Variants in CTNNA3 observed in about 807,000 individuals in gnomAD.
The protein encoded by CTNNA3 is catenin alpha 3.
A neutral mutation model predicts 95.7 loss-of-function variants in CTNNA3; 76 were observed. The observed-to-expected ratio is 0.79, with a 90% CI of 0.66 to 0.96. The LOEUF is 0.96. Ranked by LOEUF, CTNNA3 falls within the 40% of genes least tolerant of loss-of-function variation. CTNNA3 has a pLI of 0.00. For synonymous variants in CTNNA3, 431 were observed against 374.4 expected (o/e 1.15, Z -1.74); for missense variants, 1,191 against 1,089.8 (o/e 1.09, Z -1.31).
intron 13 of CTNNA3, among the ~76,000 whole-genome samples, chr10:66,248,257 C>T (rs969372503): frequency 6.7e-6 from 1 of 149,212 alleles, no homozygotes; most frequent in African/African-American, 2.5e-5. Flanking sequence ...ATACACAAAA[C>T]ATAAAAAGCA....
chr10:66,620,244 C>T (rs1225614360), intron 10 of CTNNA3, among the ~76,000 whole-genome samples: 2 of 152,054 alleles, frequency 1.3e-5, no homozygotes, highest in East Asian at 3.9e-4. Context: ...ATATGTTTAC[C>T]TTAAAGTTCT....
chr10:66,412,918 A>C (rs2093118981), intron 11 of CTNNA3, among the ~76,000 whole-genome samples: 1 of 152,214 alleles, frequency 6.6e-6, no homozygotes. Flanking sequence ...GATTTCTTGA[A>C]GTGATTAACA....
Position 66,743,253 on chromosome 10 carries a change from T to C in CTNNA3, c.1281+23011A>G, listed in dbSNP as rs1017992596. On this transcript the variant is annotated intron_variant, in intron 9 of 17. Transcript: ENST00000433211. ...CAGACATCTAAAAGGTGAACAGGCA[T>C]CATTGTATCCATGTAGATACAGAAT... Among the ~76,000 whole-genome samples, 3 of 152,240 alleles carry C rather than the reference T, an allele frequency of 2.0e-5. No homozygotes were observed. In the East Asian group the frequency reaches 5.8e-4, roughly 29 times the overall value.
rs372585983 is a variant in CTNNA3, at chr10:66,116,947, G to A, written c.1885-13698C>T. Among the ~76,000 whole-genome samples, 5 of 152,092 alleles carry A rather than the reference G, an allele frequency of 3.3e-5. No individual in the cohort carries two copies. The East Asian group carries it at 5.8e-4, about 18-fold the overall frequency. ...ACACGATTCAATCACCACCCCCCCA[G>A]GCCCCTCCTCCAACACATGTGGATT... On this transcript the variant is annotated intron_variant, in intron 13 of 17. Coordinates refer to ENST00000433211, the MANE Select transcript of CTNNA3 (RefSeq NM_013266.4).
At chr10:66,169,234 A>T (rs2085294059) in intron 13 of CTNNA3, among the ~76,000 whole-genome samples, 1 of 152,000 alleles carries the variant, frequency 6.6e-6, no homozygotes, top group Non-Finnish European at 1.5e-5. Context: ...ATGCCTTTGC[A>T]TCCTCAGAGC....
chr10:66,229,370 G>T (rs908869876), intron 13 of CTNNA3, among the ~76,000 whole-genome samples: 1 of 152,020 alleles, frequency 6.6e-6, no homozygotes, highest in South Asian at 2.1e-4. Flanking sequence ...TCACATCCAC[G>T]TGTCAGGCTC....
intron 14 of CTNNA3, among the ~76,000 whole-genome samples, chr10:66,089,955 TTTATA>T (rs1377835562): frequency 6.6e-6 from 1 of 151,956 alleles, no homozygotes; most frequent in Non-Finnish European, 1.5e-5. Flanking sequence ...ATAACACCAT[TTTATA>T]TTATTTTAGG....
At chr10:66,190,745 A>T (rs1439630318) in intron 13 of CTNNA3, among the ~76,000 whole-genome samples, 3 of 152,036 alleles carry the variant, frequency 2.0e-5, no homozygotes, top group Non-Finnish European at 4.4e-5. Flanking sequence ...GATTCTGAGC[A>T]GGATAACACA....
intron 7 of CTNNA3, among the ~76,000 whole-genome samples, chr10:66,980,336 G>A (rs139273665): frequency 1.2e-4 from 18 of 152,224 alleles, no homozygotes; most frequent in African/African-American, 3.6e-4. Context: ...ACTAGGGCGA[G>A]GAAATGCTTA....
At chr10:66,537,032 G>A (rs1841683712) in intron 10 of CTNNA3, among the ~76,000 whole-genome samples, 2 of 150,686 alleles carry the variant, frequency 1.3e-5, no homozygotes, top group Admixed American at 6.6e-5. Flanking sequence ...AGCATTTTCT[G>A]TCAAACACAG....
At chr10:66,335,801 T>G in intron 12 of CTNNA3, among the ~76,000 whole-genome samples, 1 of 152,102 alleles carries the variant, frequency 6.6e-6, no homozygotes, top group Non-Finnish European at 1.5e-5. Flanking sequence ...CTGCTGCCTT[T>G]TGTTTGGCTA....
chr10:66,543,905 GTGTGTGTATATATA>G (rs1367573453), intron 10 of CTNNA3, among the ~76,000 whole-genome samples: 9,861 of 102,002 alleles, frequency 0.097, 611 homozygotes, highest in African/African-American at 0.12. Flanking sequence ...TGAGATGTGT[GTGTGTGTATATATA>G]TATATATATA....
intron 5 of CTNNA3, among the ~76,000 whole-genome samples, chr10:67,412,255 G>T (rs1425780622): frequency 6.6e-6 from 1 of 152,078 alleles, no homozygotes; most frequent in African/African-American, 2.4e-5. Flanking sequence ...CTGACTACAT[G>T]CATGTCTTTG....
chr10:66,152,511 C>T (rs1056718960), intron 13 of CTNNA3, among the ~76,000 whole-genome samples: 2 of 151,694 alleles, frequency 1.3e-5, no homozygotes, highest in Admixed American at 6.6e-5. Context: ...ATAAAGAAAA[C>T]TAACAACATG....
intron 7 of CTNNA3, among the ~76,000 whole-genome samples, chr10:67,141,740 T>C (rs1222381476): frequency 1.4e-4 from 22 of 152,208 alleles, no homozygotes; most frequent in Admixed American, 1.4e-3. Context: ...TTGATTTTCT[T>C]CCCTGTTTTT....
At chr10:67,640,346 A>C (rs1839484812) in intron 2 of CTNNA3, among the ~76,000 whole-genome samples, 1 of 152,208 alleles carries the variant, frequency 6.6e-6, no homozygotes, top group African/African-American at 2.4e-5. Flanking sequence ...TGCTCAATGA[A>C]ATAAAAGAGG....
At chr10:67,308,077 A>G (rs1840630733) in intron 5 of CTNNA3, among the ~76,000 whole-genome samples, 1 of 152,182 alleles carries the variant, frequency 6.6e-6, no homozygotes, top group Non-Finnish European at 1.5e-5. Context: ...CCAATCATTC[A>G]TGTTCTCCAT....
At chr10:67,328,853 A>G (rs989943213) in intron 5 of CTNNA3, among the ~76,000 whole-genome samples, 2 of 152,058 alleles carry the variant, frequency 1.3e-5, no homozygotes, top group African/African-American at 4.8e-5. Context: ...TTCTTTTTTT[A>G]TGATTAATAG....
At chr10:66,107,865 T>C (rs556781966) in intron 13 of CTNNA3, among the ~76,000 whole-genome samples, 10 of 151,898 alleles carry the variant, frequency 6.6e-5, no homozygotes, top group Admixed American at 2.6e-4. Context: ...AAAAATACTG[T>C]GGAAAACAAG....
Sources: gnomAD v4.1 joint callset for allele counts (sites outside exome capture counted in the v4.1 genomes callset) on GRCh38, gnomAD v4.1.1 for gene constraint, MANE v1.5 for transcripts, NCBI Gene and HGNC (gene_info 2026-07-23, HGNC 2026-07-21) for gene names.